Variants in NEMP2 observed in about 807,000 individuals in gnomAD.
NEMP2 encodes UPF0571 transmembrane protein.
In NEMP2, 53 loss-of-function variants were observed where a neutral mutation model predicts 54.2. The ratio of observed to expected loss-of-function variants is 0.98; its 90% confidence interval spans 0.78 to 1.23. The LOEUF (loss-of-function observed/expected upper bound fraction) is 1.23. Among genes scored for constraint, NEMP2 ranks in the 50% most tolerant of loss-of-function variants. The pLI is 0.00. For synonymous variants in NEMP2, 197 were observed against 190.3 expected (o/e 1.04, Z -0.29); for missense variants, 455 against 511.3 (o/e 0.89, Z 1.06).
At chr2:190,434,089 G>A in the NEMP2 span, among the ~76,000 whole-genome samples, 1 of 151,566 alleles carries the variant, frequency 6.6e-6, no homozygotes, top group East Asian at 1.9e-4. The surrounding 1 kb of genome is among the most constrained non-coding windows in gnomAD (Gnocchi z 4.3). Flanking sequence ...AGACTGAGGT[G>A]GAAGGATTGC....
the NEMP2 span, among the ~76,000 whole-genome samples, chr2:190,567,893 C>T: frequency 1.3e-4 from 20 of 152,244 alleles, no homozygotes; most frequent in East Asian, 1.5e-3. The surrounding 1 kb of genome is among the most constrained non-coding windows in gnomAD (Gnocchi z 4.0). Flanking sequence ...GCGATTCGCC[C>T]GCCTTGGTCC....
chr2:190,426,432 G>A, the NEMP2 span, among the ~76,000 whole-genome samples: 1 of 150,542 alleles, frequency 6.6e-6, no homozygotes, highest in Non-Finnish European at 1.5e-5. This position sits in a 1 kb window ranked among gnomAD's most constrained non-coding sequence, Gnocchi z 4.7. Flanking sequence ...TTTTTGTTTT[G>A]TTTCAAGCAT....
Position 190,514,571 on chromosome 2 carries a change from A to G in NEMP2, c.835T>C (p.Ser279Pro). The change falls in exon 7 of 9, where the codon TCC becomes CCC. Residue 279 changes from serine to proline, a missense_variant. Coordinates refer to ENST00000409150, the MANE Select transcript of NEMP2 (RefSeq NM_001142645.2). This position sits in a 1 kb window ranked among gnomAD's most constrained non-coding sequence, Gnocchi z 5.7. ...ACACCAGCATAGACCAGAACCAGGG[A>G]GAGGAGTCGCAGCATCCACATCAGA... is the stretch of plus-strand genomic sequence containing the variant. ...SLLMWMLRLL[S>P]LVLVYAGVAV... 1.3e-6 allele frequency: 2 copies of G among 1,551,748 alleles called. No homozygotes were observed. Among genetic ancestry groups the G allele is most frequent in the Non-Finnish European group, 8.7e-7 (1 of 1,146,984 alleles).
At chr2:190,578,054 C>T in the NEMP2 span, among the ~76,000 whole-genome samples, 4 of 152,174 alleles carry the variant, frequency 2.6e-5, no homozygotes, top group South Asian at 2.1e-4. The surrounding 1 kb of genome is among the most constrained non-coding windows in gnomAD (Gnocchi z 4.4). Flanking sequence ...TCCAGTTGGA[C>T]ATAAACAATC....
chr2:190,450,399 A>G, the NEMP2 span, among the ~76,000 whole-genome samples: 1 of 151,722 alleles, frequency 6.6e-6, no homozygotes, highest in Non-Finnish European at 1.5e-5. Flanking sequence ...ATACTGAGCA[A>G]TTCTTACCTT....
At chr2:190,439,571 C>T in the NEMP2 span, among the ~76,000 whole-genome samples, 1 of 152,174 alleles carries the variant, frequency 6.6e-6, no homozygotes, top group Non-Finnish European at 1.5e-5. This position sits in a 1 kb window ranked among gnomAD's most constrained non-coding sequence, Gnocchi z 5.8. Context: ...GGGTTTACTA[C>T]TCCTTTGGTA....
the NEMP2 span, among the ~76,000 whole-genome samples, chr2:190,458,640 C>T: frequency 1.3e-5 from 2 of 152,142 alleles, no homozygotes; most frequent in African/African-American, 4.8e-5. This position sits in a 1 kb window ranked among gnomAD's most constrained non-coding sequence, Gnocchi z 5.3. Flanking sequence ...TTTGCTTGAC[C>T]GTTTCTAGAG....
At chr2:190,430,944 C>T in the NEMP2 span, among the ~76,000 whole-genome samples, 1 of 151,550 alleles carries the variant, frequency 6.6e-6, no homozygotes, top group Non-Finnish European at 1.5e-5. Context: ...CCTCACTTCT[C>T]AGACGGGGCG....
the NEMP2 span, among the ~76,000 whole-genome samples, chr2:190,479,918 G>T: frequency 6.6e-6 from 1 of 152,120 alleles, no homozygotes; most frequent in Admixed American, 6.5e-5. Flanking sequence ...GCGTTATTCT[G>T]TTTGTCTTAT....
the NEMP2 span, among the ~76,000 whole-genome samples, chr2:190,631,834 T>A: frequency 6.6e-6 from 1 of 152,142 alleles, no homozygotes; most frequent in Admixed American, 6.5e-5. Flanking sequence ...GGCAGGCAGG[T>A]TGCTTGAGTC....
the NEMP2 span, among the ~76,000 whole-genome samples, chr2:190,577,050 G>T: frequency 6.6e-6 from 1 of 152,146 alleles, no homozygotes; most frequent in African/African-American, 2.4e-5. This position sits in a 1 kb window ranked among gnomAD's most constrained non-coding sequence, Gnocchi z 4.8. Context: ...GGAAAGACAG[G>T]GCCCCTGGTC....
chr2:190,472,288 C>A, the NEMP2 span, among the ~76,000 whole-genome samples: 3 of 152,026 alleles, frequency 2.0e-5, no homozygotes, highest in African/African-American at 7.2e-5. Context: ...CAAACTACTC[C>A]GAGCTAAAGG....
At chr2:190,482,879 T>TG in the NEMP2 span, among the ~76,000 whole-genome samples, 1 of 30,394 alleles carries the variant, frequency 3.3e-5, no homozygotes, top group Non-Finnish European at 9.1e-5. Context: ...TTTTTTTTTT[T>TG]TTTTTTTTTT....
chr2:190,520,161 T>G lies in NEMP2; in HGVS notation c.214-978A>C, dbSNP rs1355066627. 1.3e-5 allele frequency among the ~76,000 whole-genome samples: 2 copies of G among 152,212 alleles called. No individual in the cohort carries two copies. The highest frequency in any genetic ancestry group is 2.9e-5 in the Non-Finnish European group (2 of 68,044). On this transcript the variant is annotated intron_variant, in intron 2 of 8. Transcript: ENST00000409150. The surrounding 1 kb of genome is among the most constrained non-coding windows in gnomAD (Gnocchi z 5.4). ...ATCTCTGAAGTATGCCTGTAATCAG[T>G]GGCAAACTATATGAGTAGGCATAGT...
chr2:190,438,564 T>G, the NEMP2 span, among the ~76,000 whole-genome samples: 1 of 152,192 alleles, frequency 6.6e-6, no homozygotes. The surrounding 1 kb of genome is among the most constrained non-coding windows in gnomAD (Gnocchi z 5.2). Context: ...TTGTGTACTA[T>G]TTCTTCTCAC....
chr2:190,485,778 TA>T, the NEMP2 span, among the ~76,000 whole-genome samples: 1 of 150,856 alleles, frequency 6.6e-6, no homozygotes, highest in African/African-American at 2.4e-5. This position sits in a 1 kb window ranked among gnomAD's most constrained non-coding sequence, Gnocchi z 5.1. Context: ...ATGCTACTGC[TA>T]ATCATCTAGT....
chr2:190,575,320 A>AT, the NEMP2 span, among the ~76,000 whole-genome samples: 1 of 131,154 alleles, frequency 7.6e-6, no homozygotes, highest in Admixed American at 7.4e-5. Flanking sequence ...ATAATAGACT[A>AT]TTTTTTTCTA....
chr2:190,604,208 A>G, the NEMP2 span, among the ~76,000 whole-genome samples: 1 of 152,218 alleles, frequency 6.6e-6, no homozygotes, highest in African/African-American at 2.4e-5. This position sits in a 1 kb window ranked among gnomAD's most constrained non-coding sequence, Gnocchi z 4.5. Context: ...GGGCATAGAC[A>G]GGGTTACCCT....
the NEMP2 span, chr2:190,489,700 G>GA: frequency 1.4e-6 from 2 of 1,409,930 alleles, no homozygotes; most frequent in Non-Finnish European, 2.0e-6. This position sits in a 1 kb window ranked among gnomAD's most constrained non-coding sequence, Gnocchi z 6.6. Flanking sequence ...TTAGAAAACT[G>GA]ATGGTTTTAG....
Sources: allele counts gnomAD v4.1 joint callset (sites outside exome capture counted in the v4.1 genomes callset), GRCh38; gene constraint gnomAD v4.1.1; non-coding constraint Gnocchi (gnomAD v3.1); transcripts MANE v1.5; gene names NCBI Gene and HGNC (gene_info 2026-07-23, HGNC 2026-07-21).